The following SGCB variants were observed in gnomAD, a reference collection of about 807,000 sequenced individuals.
SGCB encodes the protein sarcoglycan beta.
Under a neutral mutation model 27.3 loss-of-function variants are expected in SGCB, and 25 were observed. That is an observed-to-expected ratio of 0.92 (90% confidence interval 0.67 to 1.28). The LOEUF (loss-of-function observed/expected upper bound fraction) is 1.28, where lower values mean the gene tolerates loss of function less well. Ranked by LOEUF, SGCB falls within the 50% of genes most tolerant of loss-of-function variation. SGCB has a pLI of 0.00. For missense variants in SGCB, 436 were observed against 402.1 expected (o/e 1.08, Z -0.72); for synonymous variants, 147 against 133.5 (o/e 1.10, Z -0.70).
intron 2 of SGCB, among the ~76,000 whole-genome samples, chr4:52,030,332 C>A (rs1287031671): frequency 6.6e-6 from 1 of 151,794 alleles, no homozygotes; most frequent in Non-Finnish European, 1.5e-5. Flanking sequence ...AAATTTAGCT[C>A]ATTTATATCT....
intron 2 of SGCB, among the ~76,000 whole-genome samples, chr4:52,032,626 A>C (rs546591452): frequency 1.3e-5 from 2 of 152,344 alleles, no homozygotes; most frequent in East Asian, 3.9e-4. Flanking sequence ...GATTTGAGTG[A>C]AGAATTAGAC....
rs551252676 is a variant in SGCB at position 52,038,280 on chromosome 4, C to G, written c.-21G>C. 1.2e-4 allele frequency: 152 copies of G among 1,292,600 alleles called. 1 individual carries two copies. In the Middle Eastern group the frequency reaches 1.2e-3, roughly 10 times the overall value. 80.1% of individuals were successfully genotyped at this position (1,292,600 alleles called of 1,614,324 possible). On this transcript the variant is annotated 5_prime_UTR_variant, in exon 1 of 6. Coordinates refer to ENST00000381431, the MANE Select transcript of SGCB (RefSeq NM_000232.5). The stretch of plus-strand genomic sequence containing the variant: ...GCCATCTTCCCGCGCCCGCCGCCGC[C>G]GAGCTCCCCGCCCGACTGTGCCCGC...
intron 3 of SGCB, 109 bp downstream of exon 3, chr4:52,029,569 T>A: frequency 1.5e-6 from 1 of 686,806 alleles, no homozygotes; most frequent in Non-Finnish European, 2.6e-6. Flanking sequence ...TATACTAATT[T>A]TTCTAAGGGA....
In SGCB at chr4:52,029,815, C is replaced by G. The variant is rs1490052317; in HGVS notation, c.292G>C (p.Asp98His). ...AVIRIGPNGCDSMEFHESGLL... is the reference protein window; with the variant it reads ...AVIRIGPNGCHSMEFHESGLL... ...CCACTTTCATGAAACTCCATACTAT[C>G]ACAGCCATTTGGTCCAATGCGAATC... The change falls in exon 3 of 6, where the codon GAT becomes CAT. Residue 98 changes from aspartate to histidine, a missense_variant. Physicochemically the swap from Asp to His is moderately conservative, Grantham distance 81. Transcript: ENST00000381431. The G allele has an allele frequency of 6.2e-7, 1 of 1,613,786 alleles. No individual in the cohort carries two copies. Among genetic ancestry groups the G allele is most frequent in the Non-Finnish European group, 8.5e-7 (1 of 1,179,874 alleles).
chr4:52,031,406 ATGTGTGTGTGTGTGTGTGTGTGTG>A (rs57599198), intron 2 of SGCB, among the ~76,000 whole-genome samples: 10 of 142,816 alleles, frequency 7.0e-5, no homozygotes, highest in Middle Eastern at 3.6e-3. Context: ...GTGTGTGTGT[ATGTGTGTGTGTGTGTGTGTGTGTG>A]TGTGTGTGTG....
intron 2 of SGCB, among the ~76,000 whole-genome samples, chr4:52,030,919 A>G (rs1352786138): frequency 6.6e-6 from 1 of 152,228 alleles, no homozygotes; most frequent in Non-Finnish European, 1.5e-5. Flanking sequence ...CTGGCTAAGT[A>G]TACAATTCTA....
chr4:52,025,361 C>T (rs1560566308), intron 5 of SGCB, among the ~76,000 whole-genome samples: 1 of 33,248 alleles, frequency 3.0e-5, no homozygotes, highest in Non-Finnish European at 1.9e-4. Context: ...TTGATAAGGT[C>T]ACACATTCCA....
Position 52,038,263 on chromosome 4 carries a change from C to T in SGCB, c.-4G>A. The T allele has an allele frequency of 7.7e-7, 1 of 1,295,892 alleles. No individual in the cohort carries two copies. Among genetic ancestry groups the T allele is most frequent in the South Asian group, 2.5e-5 (1 of 40,506 alleles). 80.3% of individuals were successfully genotyped at this position (1,295,892 alleles called of 1,614,324 possible). Reference sequence around the variant, plus strand: ...CCGCCGCCGCCGCTGCCGCCATCTTCCCGCGCCCGCCGCCGCCGAGCTCCC... The same window carrying T: ...CCGCCGCCGCCGCTGCCGCCATCTTTCCGCGCCCGCCGCCGCCGAGCTCCC... On this transcript the variant is annotated 5_prime_UTR_variant, in exon 1 of 6. Transcript: ENST00000381431.
chr4:52,024,205 G>A (rs765885264), intron 5 of SGCB, 45 bp from the exon 6 acceptor site: 8 of 1,470,340 alleles, frequency 5.4e-6, no homozygotes, highest in African/African-American at 2.8e-5. Context: ...CCATGAGGGG[G>A]TACAGAACAA....
intron 3 of SGCB, among the ~76,000 whole-genome samples, chr4:52,029,308 C>T (rs1316485560): frequency 2.0e-5 from 3 of 152,196 alleles, no homozygotes; most frequent in Non-Finnish European, 4.4e-5. Flanking sequence ...GCCCCCAAAA[C>T]TACAGAGTAT....
At position 52,038,292 on chromosome 4, in the gene SGCB, C is replaced by G; in HGVS notation, c.-33G>C. 3 of 1,280,646 alleles carry G rather than the reference C, an allele frequency of 2.3e-6. No homozygotes were observed. Among genetic ancestry groups the G allele is most frequent in the South Asian group, 2.7e-5 (1 of 36,958 alleles). 79.3% of individuals were successfully genotyped at this position (1,280,646 alleles called of 1,614,324 possible). On this transcript the variant is annotated 5_prime_UTR_variant, in exon 1 of 6. Coordinates refer to ENST00000381431, the MANE Select transcript of SGCB (RefSeq NM_000232.5). The stretch of plus-strand genomic sequence containing the variant: ...CGCCCGCCGCCGCCGAGCTCCCCGC[C>G]CGACTGTGCCCGCCCCTCCGCGACC...
intron 2 of SGCB, chr4:52,031,777 C>T (rs764870704): frequency 2.6e-6 from 1 of 385,948 alleles, no homozygotes; most frequent in Non-Finnish European, 5.1e-6. Flanking sequence ...AGTATTCATA[C>T]TTAGTGATGA....
chr4:52,029,089 A>T (rs1341601829), intron 3 of SGCB, among the ~76,000 whole-genome samples, 168 bp from the exon 4 acceptor site: 1 of 152,204 alleles, frequency 6.6e-6, no homozygotes, highest in Non-Finnish European at 1.5e-5. Context: ...ATCCACTTGG[A>T]AGAAGAGTTC....
At chr4:52,028,423 G>A (rs1201240668) in intron 4 of SGCB, among the ~76,000 whole-genome samples, 1 of 152,140 alleles carries the variant, frequency 6.6e-6, no homozygotes, top group Non-Finnish European at 1.5e-5. Flanking sequence ...GGATCACGAG[G>A]TCAGGAGATC....
In SGCB at chr4:52,023,973, C is replaced by G; in HGVS notation, c.941G>C (p.Cys314Ser). Residue 314 changes from cysteine (C) to serine (S), a missense_variant, in exon 6 of 6, where the codon TGT becomes TCT. Transcript: ENST00000381431. ...NMGCQISDNP[C>S]GNTH ...GGGGTTCTTTTAATGAGTGTTTCCA[C>G]AGGGGTTGTCTGAGATTTGGCAGCC... is the stretch of plus-strand genomic sequence containing the variant. 6.2e-7 allele frequency: 1 copy of G among 1,614,104 alleles called. No individual in the cohort carries two copies. The highest frequency in any genetic ancestry group is 8.5e-7 in the Non-Finnish European group (1 of 1,180,008).
intron 1 of SGCB, among the ~76,000 whole-genome samples, chr4:52,037,209 A>G (rs1737413909): frequency 1.3e-5 from 2 of 152,180 alleles, no homozygotes; most frequent in Admixed American, 6.5e-5. Flanking sequence ...TTTTACTGTT[A>G]CAAATCTGCA....
In SGCB at chr4:52,032,107, C is replaced by T. The variant is rs575141732; in HGVS notation, c.243+1324G>A. ...CTCTGGTCCAGTGTGTCCAGAGACACACTAGTTTTGTATGACATTAGGAGG... is the reference window on the plus strand; with the variant it reads ...CTCTGGTCCAGTGTGTCCAGAGACATACTAGTTTTGTATGACATTAGGAGG... On this transcript the variant is annotated intron_variant, in intron 2 of 5. Transcript: ENST00000381431. 230 of 347,214 alleles carry T rather than the reference C, an allele frequency of 6.6e-4. 1 individual carries two copies. The highest frequency in any genetic ancestry group is 4.8e-3 in the African/African-American group (226 of 46,674). 21.5% of individuals were successfully genotyped at this position (347,214 alleles called of 1,614,324 possible).
Position 52,033,544 on chromosome 4 carries a change from A to C in SGCB, c.130T>G (p.Tyr44Asp), listed in dbSNP as rs1737305893. 6.2e-7 allele frequency: 1 copy of C among 1,613,604 alleles called. No homozygotes were observed. Among genetic ancestry groups the C allele is most frequent in the Non-Finnish European group, 8.5e-7 (1 of 1,179,662 alleles). The change falls in exon 2 of 6, where the codon TAC (tyrosine) becomes GAC (aspartate). Residue 44 changes from tyrosine to aspartate, a missense_variant. Physicochemically the swap from Tyr to Asp is radical, Grantham distance 160 (BLOSUM62 -3). Coordinates refer to ENST00000381431, the MANE Select transcript of SGCB (RefSeq NM_000232.5). ...KEHNSNFKAG[Y>D]IPIDEDRLHK... ...AGACGATCTTCATCAATCGGAATGT[A>C]TCCAGCTTTAAAGTTACTGTTGTGC...
intron 5 of SGCB, among the ~76,000 whole-genome samples, chr4:52,026,838 C>T (rs978079393): frequency 3.3e-5 from 5 of 152,186 alleles, no homozygotes; most frequent in Non-Finnish European, 7.3e-5. Context: ...TGCTAATGGT[C>T]TCTAAACAAA....
Sources: gnomAD v4.1 joint callset for allele counts (sites outside exome capture counted in the v4.1 genomes callset) on GRCh38, gnomAD v4.1.1 for gene constraint, MANE v1.5 for transcripts, NCBI Gene and HGNC (gene_info 2026-07-23, HGNC 2026-07-21) for gene names.